The following CYP2A13 variants were observed in gnomAD, a reference collection of about 807,000 sequenced individuals.
The protein encoded by CYP2A13 is cytochrome P450 2A13.
CYP2A13 carries 30 observed loss-of-function variants against 39.4 expected under a neutral mutation model. The observed-to-expected ratio is 0.76, with a 90% confidence interval of 0.57 to 1.03. The LOEUF is 1.03. CYP2A13 is among the 50% of genes least tolerant of loss of function. The pLI is 0.00. For synonymous variants in CYP2A13, 269 were observed against 254.7 expected (o/e 1.06, Z -0.54); for missense variants, 731 against 648.4 (o/e 1.13, Z -1.38).
Position 41,091,831 on chromosome 19 carries a change from G to T in CYP2A13, c.754G>T (p.Val252Leu). ...QGLEDFIAKK[V>L]EHNQRTLDPN... ...GCTGGAGGACTTCATCGCCAAGAAG[G>T]TGGAGCACAACCAGCGCACGCTGGA... Residue 252 changes from valine (V) to leucine (L), a missense_variant, in exon 5 of 9, where the codon GTG (valine) becomes TTG (leucine). Val to Leu is a conservative substitution (Grantham distance 32, BLOSUM62 1). Transcript: ENST00000330436. 6.2e-7 allele frequency: 1 copy of T among 1,614,176 alleles called. No homozygotes were observed. Among genetic ancestry groups the T allele is most frequent in the Admixed American group, 1.7e-5 (1 of 60,016 alleles).
At chr19:41,090,930 A>C (rs2031175725) in intron 4 of CYP2A13, among the ~76,000 whole-genome samples, 1 of 152,140 alleles carries the variant, frequency 6.6e-6, no homozygotes, top group Admixed American at 6.5e-5. Flanking sequence ...GACTGCGTCA[A>C]CCCGCCTCCT....
At chr19:41,095,208 T>C (rs2031278782) in intron 8 of CYP2A13, 108 bp downstream of exon 8, 11 of 1,606,588 alleles carry the variant, frequency 6.8e-6, no homozygotes, top group Non-Finnish European at 8.5e-6. Flanking sequence ...GCTTGGAAGT[T>C]CCTGTTAGAA....
Position 41,091,616 on chromosome 19 carries a change from C to T in CYP2A13, c.655-116C>T, listed in dbSNP as rs879646435. On this transcript the variant is annotated intron_variant, in intron 4 of 8. Coordinates refer to ENST00000330436, the MANE Select transcript of CYP2A13 (RefSeq NM_000766.5). ...CAACCCCACTGAAATACCTAAACAC[C>T]TGGACAGATGCCTTTAACTCCGTTC... 37 of 1,475,076 alleles carry T rather than the reference C, an allele frequency of 2.5e-5. No individual in the cohort carries two copies. The African/African-American group carries it at 4.1e-4, about 16-fold the overall frequency. The allele number at this position is 1,475,076 out of a possible 1,614,324, so 91.4% of individuals were successfully genotyped here. A position where few individuals can be genotyped will look rare whatever the true frequency, so the allele number is the denominator to read the frequency against.
chr19:41,094,573 A>T, intron 7 of CYP2A13, 141 bp downstream of exon 7: 1 of 958,700 alleles, frequency 1.0e-6, no homozygotes, highest in South Asian at 1.5e-5. Flanking sequence ...CCCAACCACC[A>T]CATCTGTTCC....
chr19:41,088,691 C>T (rs761588200), intron 1 of CYP2A13, 40 bp downstream of exon 1: 4 of 1,591,932 alleles, frequency 2.5e-6, no homozygotes, highest in East Asian at 2.2e-5. Context: ...GGGGTGGGGG[C>T]TGCCCAGTTG....
At chr19:41,089,804 GTCTCTCTCTCTCTCTCTCTC>G (rs752348205) in intron 2 of CYP2A13, among the ~76,000 whole-genome samples, 1,130 of 26,536 alleles carry the variant, frequency 0.043, 61 homozygotes, top group South Asian at 0.093. Context: ...TTTCTACCCG[GTCTCTCTCTCTCTCTCTCTC>G]TCTCTCTCTC....
intron 2 of CYP2A13, among the ~76,000 whole-genome samples, chr19:41,089,666 TC>T (rs1383420307): frequency 6.6e-6 from 1 of 151,586 alleles, no homozygotes; most frequent in Admixed American, 6.6e-5. Context: ...ATATCTCACT[TC>T]CCCTCCCTCC....
intron 8 of CYP2A13, 72 bp from the exon 9 acceptor site, chr19:41,095,688 C>A (rs1036157196): frequency 6.3e-7 from 1 of 1,577,878 alleles, no homozygotes; most frequent in Non-Finnish European, 8.7e-7. Context: ...AGAGTGCAGC[C>A]GGGGGTCAGT....
chr19:41,095,688 C>T (rs1036157196), intron 8 of CYP2A13, 72 bp from the exon 9 acceptor site: 6 of 1,577,762 alleles, frequency 3.8e-6, no homozygotes, highest in Non-Finnish European at 5.2e-6. Flanking sequence ...AGAGTGCAGC[C>T]GGGGGTCAGT....
intron 6 of CYP2A13, 41 bp from the exon 7 acceptor site, chr19:41,094,203 TA>T (rs1254285435): frequency 6.2e-7 from 1 of 1,607,218 alleles, no homozygotes; most frequent in South Asian, 1.1e-5. Flanking sequence ...ATCCCTGCTC[TA>T]AGACCCCTAG....
At chr19:41,088,700 T>G (rs1303903576) in intron 1 of CYP2A13, 49 bp downstream of exon 1, 2 of 1,585,012 alleles carry the variant, frequency 1.3e-6, no homozygotes. Context: ...GCTGCCCAGT[T>G]GGCTGGGGCT....
At chr19:41,089,115 A>G in intron 2 of CYP2A13, 24 bp downstream of exon 2, 2 of 1,611,058 alleles carry the variant, frequency 1.2e-6, no homozygotes, top group East Asian at 4.5e-5. Flanking sequence ...CAAGAGGGGG[A>G]AGGTGGCCAG....
In CYP2A13 at chr19:41,095,091, T is replaced by C. The variant is rs758249719; in HGVS notation, c.1294T>C (p.Phe432Leu). 4 of 1,613,952 alleles carry C rather than the reference T, an allele frequency of 2.5e-6. No homozygotes were observed. The African/African-American group carries it at 4.0e-5, about 16-fold the overall frequency. The change falls in exon 8 of 9, where the codon TTT becomes CTT. Residue 432 changes from phenylalanine (F) to leucine (L), a missense_variant. Coordinates refer to ENST00000330436, the MANE Select transcript of CYP2A13 (RefSeq NM_000766.5). ...TAAGAAGAGTGATGCTTTTGTGCCC[T>C]TTTCCATCGGTAAGAGACCACTGTT... ...QFKKSDAFVP[F>L]SIGKRYCFGE...
Position 41,094,375 on chromosome 19 carries a change from G to A in CYP2A13, c.1104G>A (p.Met368Ile). Residue 368 changes from methionine (M) to isoleucine (I), a missense_variant, in exon 7 of 9, where the codon ATG becomes ATA. Physicochemically the swap from Met to Ile is conservative, Grantham distance 10. Coordinates refer to ENST00000330436, the MANE Select transcript of CYP2A13 (RefSeq NM_000766.5). Reference protein sequence around the residue: ...EIQRFGDMLPMGLAHRVNKDT... With the variant: ...EIQRFGDMLPIGLAHRVNKDT... ...AAAGATTTGGAGACATGCTCCCCATGGGTTTGGCCCACAGGGTCAACAAGG... is the reference window on the plus strand; with the variant it reads ...AAAGATTTGGAGACATGCTCCCCATAGGTTTGGCCCACAGGGTCAACAAGG... 3 of 1,614,050 alleles carry A rather than the reference G, an allele frequency of 1.9e-6. No homozygotes were observed. Among genetic ancestry groups the A allele is most frequent in the Non-Finnish European group, 2.5e-6 (3 of 1,180,004 alleles).
Position 41,091,778 on chromosome 19 carries a change from A to AGCAG in CYP2A13, c.704_705insGGCA (p.Gln236AlafsTer5), listed in dbSNP as rs2031194073. The AGCAG allele has an allele frequency of 1.2e-6, 2 of 1,613,952 alleles. No homozygotes were observed. The highest frequency in any genetic ancestry group is 2.7e-5 in the African/African-American group (2 of 74,922). Reference sequence around the variant, plus strand: ...GTGATGAAACACCTGCCAGGACCACAGCAACAGGCCTTTAAGGAGCTGCAA... The same window carrying AGCAG: ...GTGATGAAACACCTGCCAGGACCACAGCAGGCAACAGGCCTTTAAGGAGCTGCAA... On this transcript the variant is annotated frameshift_variant, in exon 5 of 9. Coordinates refer to ENST00000330436, the MANE Select transcript of CYP2A13 (RefSeq NM_000766.5). LOFTEE classifies it high-confidence loss of function.
chr19:41,090,220 A>G (rs1418491336), intron 3 of CYP2A13, 24 bp downstream of exon 3: 1 of 1,550,950 alleles, frequency 6.4e-7, no homozygotes, highest in Admixed American at 1.9e-5. Context: ...CCCGAGTGCG[A>G]GGGCGGGAAC....
chr19:41,094,293 C>G lies in CYP2A13; in HGVS notation c.1022C>G (p.Pro341Arg). 1 of 1,614,038 alleles carries G rather than the reference C, an allele frequency of 6.2e-7. No individual in the cohort carries two copies. The highest frequency in any genetic ancestry group is 8.5e-7 in the Non-Finnish European group (1 of 1,179,988). The change falls in exon 7 of 9, where the codon CCC (proline) becomes CGC (arginine). Residue 341 changes from proline to arginine, a missense_variant. Transcript: ENST00000330436. ...IDRVIGKNRQ[P>R]KFEDRAKMPY... The stretch of plus-strand genomic sequence containing the variant: ...AGAGTGATCGGCAAGAACCGGCAGC[C>G]CAAGTTTGAGGACCGGGCCAAGATG...
rs2031270625 is a variant in CYP2A13 at position 41,094,965 on chromosome 19, G to A, written c.1168G>A (p.Glu390Lys). The change falls in exon 8 of 9, where the codon GAA (glutamate) becomes AAA (lysine). Residue 390 changes from glutamate (E) to lysine (K), a missense_variant. Transcript: ENST00000330436. ...CCTTCCTCCTCCCTCCCAGGGCACT[G>A]AAGTGTTCCCTATGCTGGGCTCCGT... The part of the protein sequence containing the change: ...FRDFFLPKGT[E>K]VFPMLGSVLR... 6.2e-7 allele frequency: 1 copy of A among 1,613,904 alleles called. No homozygotes were observed. Among genetic ancestry groups the A allele is most frequent in the Non-Finnish European group, 8.5e-7 (1 of 1,180,000 alleles).
intron 4 of CYP2A13, among the ~76,000 whole-genome samples, chr19:41,090,859 C>G (rs1172926384): frequency 1.3e-5 from 2 of 152,180 alleles, no homozygotes; most frequent in African/African-American, 4.8e-5. Flanking sequence ...CCCAACTTAC[C>G]GTAATTTGTA....
Sources: gnomAD v4.1 joint callset for allele counts (sites outside exome capture counted in the v4.1 genomes callset) on GRCh38, gnomAD v4.1.1 for gene constraint, MANE v1.5 for transcripts, NCBI Gene and HGNC (gene_info 2026-07-23, HGNC 2026-07-21) for gene names.